Variants in SSR3 observed in about 807,000 individuals in gnomAD.
SSR3 encodes the protein signal sequence receptor subunit 3.
A neutral mutation model predicts 22.1 loss-of-function variants in SSR3; 10 were observed. That is an observed-to-expected ratio of 0.45 (90% CI 0.28 to 0.77). SSR3 has a LOEUF of 0.77. Ranked by LOEUF, SSR3 falls within the 30% of genes least tolerant of loss-of-function variation. The pLI is 0.13. For missense variants in SSR3, 181 were observed against 220.5 expected, an observed-to-expected ratio of 0.82 and a Z score of 1.13; for synonymous variants, 104 against 82.5, an observed-to-expected ratio of 1.26 and a Z score of -1.42.
rs775865880 is a variant in SSR3 at position 156,555,117 on chromosome 3, C to G, written c.-28G>C. 6 of 1,607,230 alleles carry G rather than the reference C, an allele frequency of 3.7e-6. No individual in the cohort carries two copies. The highest frequency in any genetic ancestry group is 3.3e-5 in the South Asian group (3 of 90,940). On this transcript the variant is annotated 5_prime_UTR_variant, in exon 1 of 5. Transcript: ENST00000265044. ...CGGAGCTGCAGGCGAGAACAGGGAA[C>G]GTAGAGCCGGCCGCCAAGGCGGGCA...
intron 4 of SSR3, chr3:156,543,941 A>G (rs912004575): frequency 1.7e-5 from 4 of 239,950 alleles, no homozygotes; most frequent in Admixed American, 5.5e-5. Context: ...ATTTAACTGC[A>G]TTGGCCATCC....
chr3:156,554,976 G>A lies in SSR3; in HGVS notation c.114C>T (p.Ile38=). The A allele has an allele frequency of 6.2e-7, 1 of 1,613,922 alleles. No individual in the cohort carries two copies. Among genetic ancestry groups the A allele is most frequent in the South Asian group, 1.1e-5 (1 of 91,062 alleles). Residue 38 remains isoleucine (I), a synonymous_variant, in exon 1 of 5, where the codon ATC becomes ATT. Coordinates refer to ENST00000265044, the MANE Select transcript of SSR3 (RefSeq NM_007107.5). ...SSALFFGNAF[I]VSAIPIWLYW... ...ACTCACAGATGGGGATGGCAGACACGATGAACGCGTTTCCGAAGAAGAGCG... is the reference window on the plus strand; with the variant it reads ...ACTCACAGATGGGGATGGCAGACACAATGAACGCGTTTCCGAAGAAGAGCG...
Position 156,547,391 on chromosome 3 carries a change from T to C in SSR3, c.359+1514A>G, listed in dbSNP as rs193044613. ...GGAAACCCATTTACTATCCCTGACA[T>C]AATTAATCACTGAAAACCTTTAAAA... On this transcript the variant is annotated intron_variant, in intron 3 of 4. Coordinates refer to ENST00000265044, the MANE Select transcript of SSR3 (RefSeq NM_007107.5). Among the ~76,000 whole-genome samples, 459 of 152,316 alleles carry C rather than the reference T, an allele frequency of 3.0e-3. 2 individuals are homozygous for C. The highest frequency in any genetic ancestry group is 2.7e-3 in the Non-Finnish European group (181 of 68,024).
At position 156,547,906 on chromosome 3, in the gene SSR3, G is replaced by A. The variant is rs181756023; in HGVS notation, c.359+999C>T. ...CAACTAAGTTCAGTGCTCAGTTGCT[G>A]TAACTAACTCTAAGGTACTTGCTCA... On this transcript the variant is annotated intron_variant, in intron 3 of 4. Coordinates refer to ENST00000265044, the MANE Select transcript of SSR3 (RefSeq NM_007107.5). Among the ~76,000 whole-genome samples, 87 of 152,318 alleles carry A rather than the reference G, an allele frequency of 5.7e-4. 2 individuals carry two copies. In the South Asian group the frequency reaches 0.018, roughly 31 times the overall value.
intron 3 of SSR3, among the ~76,000 whole-genome samples, chr3:156,548,287 T>G (rs905122586): frequency 6.6e-6 from 1 of 152,196 alleles, no homozygotes; most frequent in Non-Finnish European, 1.5e-5. Flanking sequence ...TTAACAAACG[T>G]GGCACAGAAT....
chr3:156,548,547 C>G (rs1368914354), intron 3 of SSR3, among the ~76,000 whole-genome samples: 1 of 152,216 alleles, frequency 6.6e-6, no homozygotes, highest in Non-Finnish European at 1.5e-5. Context: ...TACAAGCTCT[C>G]AAGTTAAACT....
chr3:156,554,520 C>T (rs1194822894), intron 1 of SSR3, among the ~76,000 whole-genome samples: 3 of 152,184 alleles, frequency 2.0e-5, no homozygotes, highest in Admixed American at 1.3e-4. Context: ...CGTAAAGATG[C>T]ACTTATAATT....
At chr3:156,546,330 C>T (rs1719760604) in intron 3 of SSR3, among the ~76,000 whole-genome samples, 1 of 152,216 alleles carries the variant, frequency 6.6e-6, no homozygotes, top group Non-Finnish European at 1.5e-5. Context: ...TTTTTTGAGG[C>T]ATCCCCAGTC....
At chr3:156,548,774 TTAC>T (rs144621829) in intron 3 of SSR3, 128 bp downstream of exon 3, 87 of 1,088,736 alleles carry the variant, frequency 8.0e-5, no homozygotes, top group Admixed American at 1.1e-4. Context: ...ACTATTTCCA[TTAC>T]TACTACTACT....
rs777367137 is a variant in SSR3 at position 156,543,063 on chromosome 3, C to G, written c.*140G>C. 1.8e-6 allele frequency: 1 copy of G among 543,980 alleles called. No homozygotes were observed. Among genetic ancestry groups the G allele is most frequent in the Non-Finnish European group, 3.2e-6 (1 of 316,010 alleles). 33.7% of individuals were successfully genotyped at this position (543,980 alleles called of 1,614,324 possible). A position where few individuals can be genotyped will look rare whatever the true frequency, so the allele number is the denominator to read the frequency against. The stretch of plus-strand genomic sequence containing the variant: ...TCAAAAAACAGCCAATAAACAAATA[C>G]TGAATTACATTCTGCTGGGTTTTTT... On this transcript the variant is annotated 3_prime_UTR_variant, in exon 5 of 5. Transcript: ENST00000265044.
chr3:156,544,466 A>G lies in SSR3; in HGVS notation c.360-27T>C, dbSNP rs755046991. ...TACAGACACAGAAACAAGTCAAACA[A>G]GCTTATAAATATGATTTAAAAAAAC... is the stretch of plus-strand genomic sequence containing the variant. On this transcript the variant is annotated intron_variant, in intron 3 of 4. Coordinates refer to ENST00000265044, the MANE Select transcript of SSR3 (RefSeq NM_007107.5). 1.1e-5 allele frequency: 16 copies of G among 1,489,742 alleles called. No homozygotes were observed. In the Admixed American group the frequency reaches 3.2e-4, roughly 30 times the overall value. 92.3% of individuals were successfully genotyped at this position (1,489,742 alleles called of 1,614,324 possible). A position where few individuals can be genotyped will look rare whatever the true frequency, so the allele number is the denominator to read the frequency against.
rs1043217640 is a variant in SSR3 at position 156,540,695 on chromosome 3, T to TAAC, written c.*2505_*2507dup. 1 of 151,954 alleles carries TAAC rather than the reference T, an allele frequency of 6.6e-6. No individual in the cohort carries two copies. Among genetic ancestry groups the TAAC allele is most frequent in the Non-Finnish European group, 1.5e-5 (1 of 67,998 alleles). The allele number at this position is 151,954 out of a possible 1,614,324, so 9.4% of individuals were successfully genotyped here. On this transcript the variant is annotated 3_prime_UTR_variant, in exon 5 of 5. Coordinates refer to ENST00000265044, the MANE Select transcript of SSR3 (RefSeq NM_007107.5). ...TAAAAATAGGTAAATGAAAATGTTA[T>TAAC]AACACTTTAGTGCTATTTATGAGTA...
intron 2 of SSR3, among the ~76,000 whole-genome samples, chr3:156,552,887 T>C (rs1559946101): frequency 6.6e-6 from 1 of 152,216 alleles, no homozygotes; most frequent in Non-Finnish European, 1.5e-5. Context: ...TAATTGCTTA[T>C]AATTAAGGTA....
intron 3 of SSR3, 71 bp downstream of exon 3, chr3:156,548,834 A>C (rs1276373416): frequency 1.3e-6 from 2 of 1,570,286 alleles, no homozygotes; most frequent in East Asian, 4.5e-5. Context: ...CAAATTCTTT[A>C]AGCAAAAATC....
chr3:156,545,672 T>C (rs1490176610), intron 3 of SSR3, among the ~76,000 whole-genome samples: 1 of 152,248 alleles, frequency 6.6e-6, no homozygotes, highest in Non-Finnish European at 1.5e-5. Context: ...ATTTCCTCAA[T>C]TCTACAGACA....
At position 156,555,114 on chromosome 3, in the gene SSR3, G is replaced by A. The variant is rs371566548; in HGVS notation, c.-25C>T. On this transcript the variant is annotated 5_prime_UTR_variant, in exon 1 of 5. Coordinates refer to ENST00000265044, the MANE Select transcript of SSR3 (RefSeq NM_007107.5). Reference sequence around the variant, plus strand: ...TGGCGGAGCTGCAGGCGAGAACAGGGAACGTAGAGCCGGCCGCCAAGGCGG... The same window carrying A: ...TGGCGGAGCTGCAGGCGAGAACAGGAAACGTAGAGCCGGCCGCCAAGGCGG... The A allele has an allele frequency of 7.6e-5, 123 of 1,610,024 alleles. 1 individual carries two copies. The highest frequency in any genetic ancestry group is 3.1e-4 in the South Asian group (28 of 91,026).
chr3:156,544,319 G>C lies in SSR3; in HGVS notation c.480C>G (p.Phe160Leu). The C allele has an allele frequency of 6.3e-7, 1 of 1,591,160 alleles. No individual in the cohort carries two copies. The highest frequency in any genetic ancestry group is 8.6e-7 in the Non-Finnish European group (1 of 1,169,552). Residue 160 changes from phenylalanine to leucine, a missense_variant, in exon 4 of 5, where the codon TTC becomes TTG. By Grantham distance (22) the Phe-to-Leu change is conservative. Transcript: ENST00000265044. ...IVASFFILKN[F>L]NPTVNYILSI... Reference sequence around the variant, plus strand: ...CTTGAAAAGGATACACTGTGGGGTTGAAGTTCTTCAATATGAAGAAGGAAG... The same window carrying C: ...CTTGAAAAGGATACACTGTGGGGTTCAAGTTCTTCAATATGAAGAAGGAAG...
chr3:156,540,664 A>G lies in SSR3; in HGVS notation c.*2539T>C, dbSNP rs1372308164. On this transcript the variant is annotated 3_prime_UTR_variant, in exon 5 of 5. Transcript: ENST00000265044. ...CAAGATTTTTATTAAGTTAAAATGA[A>G]GGAACTAAAAATAGGTAAATGAAAA... 1 of 151,994 alleles carries G rather than the reference A, an allele frequency of 6.6e-6. No individual in the cohort carries two copies. Among genetic ancestry groups the G allele is most frequent in the Non-Finnish European group, 1.5e-5 (1 of 67,980 alleles). 9.4% of individuals were successfully genotyped at this position (151,994 alleles called of 1,614,324 possible).
rs544365626 is a variant in SSR3, at chr3:156,544,758, G to A, written c.360-319C>T. ...AGCTAAGTCAAATATCTTTCTCTTG[G>A]CCCTTACCTAAAACTCAAACTCCAT... On this transcript the variant is annotated intron_variant, in intron 3 of 4. Coordinates refer to ENST00000265044, the MANE Select transcript of SSR3 (RefSeq NM_007107.5). 1.4e-4 allele frequency among the ~76,000 whole-genome samples: 22 copies of A among 152,226 alleles called. No homozygotes were observed. In the South Asian group the frequency reaches 2.1e-3, roughly 14 times the overall value.
Sources: allele counts gnomAD v4.1 joint callset (sites outside exome capture counted in the v4.1 genomes callset), GRCh38; gene constraint gnomAD v4.1.1; transcripts MANE v1.5; gene names NCBI Gene and HGNC (gene_info 2026-07-23, HGNC 2026-07-21).